EYA2: variants seen among roughly 807,000 people sequenced by gnomAD.
EYA2 encodes protein phosphatase EYA2.
In EYA2, 31 loss-of-function variants were observed where a neutral mutation model predicts 69.2. That is an observed-to-expected ratio of 0.45 (90% CI 0.34 to 0.60). EYA2 has a LOEUF of 0.60. Ranked by LOEUF, EYA2 falls within the 20% of genes least tolerant of loss-of-function variation. The probability of loss-of-function intolerance (pLI) is 0.02; values close to 1 mark genes in which losing one functional copy is unlikely to be tolerated. For synonymous variants in EYA2, 257 were observed against 279.4 expected, an observed-to-expected ratio of 0.92 and a Z score of 0.80; for missense variants, 622 against 701.2, an observed-to-expected ratio of 0.89 and a Z score of 1.28.
intron 12 of EYA2, among the ~76,000 whole-genome samples, chr20:47,173,703 A>C (rs1162879133): frequency 1.3e-5 from 2 of 152,064 alleles, no homozygotes; most frequent in Admixed American, 1.3e-4. Flanking sequence ...GATTAGAGGC[A>C]TGCACCACCT....
chr20:47,099,946 T>A (rs3902845), intron 9 of EYA2, among the ~76,000 whole-genome samples: 1 of 152,168 alleles, frequency 6.6e-6, no homozygotes, highest in East Asian at 1.9e-4. Flanking sequence ...TAAATATTTG[T>A]TGAATGAATG....
intron 4 of EYA2, among the ~76,000 whole-genome samples, chr20:47,014,909 C>G (rs1348621988): frequency 6.6e-6 from 1 of 151,974 alleles, no homozygotes; most frequent in African/African-American, 2.4e-5. Context: ...GAATGTCACA[C>G]AGCCATCAAT....
intron 1 of EYA2, among the ~76,000 whole-genome samples, chr20:46,948,840 A>T (rs1405937868): frequency 2.6e-5 from 4 of 152,218 alleles, no homozygotes; most frequent in African/African-American, 9.6e-5. Context: ...CAAGCTTGAG[A>T]TGATCGCTCC....
At position 47,089,328 on chromosome 20, in the gene EYA2, G is replaced by A. The variant is rs780344200; in HGVS notation, c.751G>A (p.Gly251Ser). Residue 251 changes from glycine (G) to serine (S), a missense_variant, in exon 8 of 16, where the codon GGC becomes AGC. Physicochemically the swap from Gly to Ser is moderately conservative, Grantham distance 56. Coordinates refer to ENST00000327619, the MANE Select transcript of EYA2 (RefSeq NM_005244.5). ...PHRASDGKLR[G>S]RSKRSSDPSP... ...CCGGGCCTCCGACGGGAAGCTCCGA[G>A]GCCGGTCTAAGAGGAGCAGTGACCC... 25 of 1,614,048 alleles carry A rather than the reference G, an allele frequency of 1.5e-5. No homozygotes were observed. The highest frequency in any genetic ancestry group is 5.3e-5 in the African/African-American group (4 of 74,916).
intron 1 of EYA2, among the ~76,000 whole-genome samples, chr20:46,962,811 T>C (rs1273354905): frequency 1.3e-5 from 2 of 152,214 alleles, no homozygotes; most frequent in Non-Finnish European, 2.9e-5. Flanking sequence ...CTCTTACTGC[T>C]TCAGTGCACA....
chr20:46,907,035 T>TC (rs1174048195), intron 1 of EYA2, among the ~76,000 whole-genome samples: 1 of 152,198 alleles, frequency 6.6e-6, no homozygotes, highest in Admixed American at 6.5e-5. Flanking sequence ...GCCTTGGGCT[T>TC]CCTTCACCTC....
intron 9 of EYA2, among the ~76,000 whole-genome samples, chr20:47,120,973 G>C (rs73913806): frequency 2.0e-5 from 3 of 152,136 alleles, no homozygotes; most frequent in Admixed American, 1.3e-4. Flanking sequence ...TGGAGAATTG[G>C]TGCTAATTCT....
intron 1 of EYA2, among the ~76,000 whole-genome samples, chr20:46,938,737 A>G (rs530440482): frequency 6.6e-6 from 1 of 152,150 alleles, no homozygotes; most frequent in South Asian, 2.1e-4. Context: ...GTGACATACC[A>G]TCACTTCTGC....
intron 7 of EYA2, among the ~76,000 whole-genome samples, chr20:47,088,547 C>A (rs1403734526): frequency 6.6e-6 from 1 of 152,106 alleles, no homozygotes; most frequent in Non-Finnish European, 1.5e-5. Context: ...AATGAGTCAC[C>A]TTTCAGCCCT....
intron 1 of EYA2, among the ~76,000 whole-genome samples, chr20:46,896,394 A>G (rs1252315307): frequency 3.5e-5 from 5 of 141,302 alleles, no homozygotes; most frequent in African/African-American, 8.8e-5. Context: ...ACATGTAACC[A>G]TCCTGCTTAC....
At chr20:47,062,244 G>T (rs2030921221) in intron 5 of EYA2, among the ~76,000 whole-genome samples, 1 of 152,160 alleles carries the variant, frequency 6.6e-6, no homozygotes. Flanking sequence ...TCCAGAAAAT[G>T]TACACATCCT....
intron 8 of EYA2, among the ~76,000 whole-genome samples, chr20:47,093,253 T>A (rs2032141213): frequency 6.6e-6 from 1 of 152,154 alleles, no homozygotes; most frequent in Non-Finnish European, 1.5e-5. Context: ...AGTGTTAGTT[T>A]GTTTGTATCT....
Position 47,029,749 on chromosome 20 carries a change from CTT to C in EYA2, c.415+13456_415+13457del, listed in dbSNP as rs1403458088. ...CTTCCAAGTTTCATTCACCCCATCT[CTT>C]TTTCTTTTTTCTACAACACATAATT... On this transcript the variant is annotated intron_variant, in intron 5 of 15. Transcript: ENST00000327619. Among the ~76,000 whole-genome samples the C allele has an allele frequency of 3.9e-5, 6 of 152,314 alleles. No individual in the cohort carries two copies. In the East Asian group the frequency reaches 7.7e-4, roughly 20 times the overall value.
At chr20:46,977,002 G>A (rs1980505075) in intron 1 of EYA2, among the ~76,000 whole-genome samples, 1 of 152,206 alleles carries the variant, frequency 6.6e-6, no homozygotes. Flanking sequence ...CCATGCAGCA[G>A]TGAGAAAGAA....
At chr20:46,927,231 T>A (rs1419781917) in intron 1 of EYA2, among the ~76,000 whole-genome samples, 1 of 152,178 alleles carries the variant, frequency 6.6e-6, no homozygotes, top group East Asian at 1.9e-4. Flanking sequence ...GCCCCTTCCC[T>A]CAGTCAGGAA....
intron 1 of EYA2, among the ~76,000 whole-genome samples, chr20:46,958,089 C>G (rs1332517032): frequency 6.6e-6 from 1 of 152,194 alleles, no homozygotes; most frequent in Non-Finnish European, 1.5e-5. Context: ...CGAAATAGCT[C>G]TTGATCCACT....
At position 46,939,440 on chromosome 20, in the gene EYA2, T is replaced by C. The variant is rs895927141; in HGVS notation, c.-11+44453T>C. Among the ~76,000 whole-genome samples the C allele has an allele frequency of 1.1e-4, 17 of 152,274 alleles. No individual in the cohort carries two copies. In the East Asian group the frequency reaches 3.1e-3, roughly 28 times the overall value. ...AAGAGAGATAATGACTTTATTTTTA[T>C]TTTTTTATTTTTTTTCAAAAATCCC... On this transcript the variant is annotated intron_variant, in intron 1 of 15. Transcript: ENST00000327619.
intron 4 of EYA2, among the ~76,000 whole-genome samples, chr20:47,005,380 G>A (rs559708179): frequency 1.1e-4 from 17 of 152,220 alleles, no homozygotes; most frequent in Non-Finnish European, 2.1e-4. Flanking sequence ...AGGTATGACT[G>A]GATCTAGGTG....
intron 5 of EYA2, among the ~76,000 whole-genome samples, chr20:47,034,702 A>C (rs1984603898): frequency 6.6e-6 from 1 of 152,226 alleles, no homozygotes; most frequent in Non-Finnish European, 1.5e-5. Flanking sequence ...TGTCATAACA[A>C]AGCACCACAA....
Sources: gnomAD v4.1 joint callset for allele counts (sites outside exome capture counted in the v4.1 genomes callset) on GRCh38, gnomAD v4.1.1 for gene constraint, MANE v1.5 for transcripts, NCBI Gene and HGNC (gene_info 2026-07-23, HGNC 2026-07-21) for gene names.